Variants in CCZ1 observed in about 807,000 individuals in gnomAD.
The protein encoded by CCZ1 is CCZ1 vacuolar protein trafficking and biogenesis associated, also known as vacuolar fusion protein CCZ1 homolog.
CCZ1 carries 19 observed loss-of-function variants against 57.8 expected under a neutral mutation model. That is an observed-to-expected ratio of 0.33 (90% CI 0.23 to 0.48). The LOEUF is 0.48. CCZ1 is among the 20% of genes least tolerant of loss of function. The probability of loss-of-function intolerance (pLI) is 0.99; values close to 1 mark genes in which losing one functional copy is unlikely to be tolerated. For synonymous variants in CCZ1, 81 were observed against 167.0 expected (o/e 0.49, Z 3.97); for missense variants, 200 against 492.0 (o/e 0.41, Z 5.61).
chr7:5,902,806 T>C lies in CCZ1; in HGVS notation c.522+62T>C, dbSNP rs974764771. The C allele has an allele frequency of 7.6e-5, 118 of 1,554,518 alleles. 16 individuals carry two copies. In the East Asian group the frequency reaches 2.5e-3, roughly 33 times the overall value. On this transcript the variant is annotated intron_variant, in intron 6 of 14. Coordinates refer to ENST00000325974, the MANE Select transcript of CCZ1 (RefSeq NM_015622.6). ...CATTCAGCAGGTTTTTAGAGAAATATAGACAGACAAGTTTGTTTCTTATAT... is the reference window on the plus strand; with the variant it reads ...CATTCAGCAGGTTTTTAGAGAAATACAGACAGACAAGTTTGTTTCTTATAT...
chr7:5,907,969 G>A (rs1176765015), intron 7 of CCZ1, among the ~76,000 whole-genome samples: 1 of 143,788 alleles, frequency 7.0e-6, no homozygotes. Flanking sequence ...GGGCATTGTG[G>A]TGTGCACTTA....
At chr7:5,920,867 C>T (rs1457908287) in intron 12 of CCZ1, among the ~76,000 whole-genome samples, 1 of 119,232 alleles carries the variant, frequency 8.4e-6, no homozygotes, top group Non-Finnish European at 1.8e-5. Context: ...TTTAAATGGG[C>T]TCTCTACACA....
At position 5,905,144 on chromosome 7, in the gene CCZ1, T is replaced by C. The variant is rs762560521; in HGVS notation, c.573T>C (p.Gly191=). The C allele has an allele frequency of 1.4e-5, 23 of 1,590,378 alleles. 2 individuals are homozygous for C. Among genetic ancestry groups the C allele is most frequent in the Non-Finnish European group, 2.0e-5 (23 of 1,173,644 alleles). ...CATGTGACCTACTTGACATTTTTGG[T>C]GGAATCAGCTTCTTCCCGTTGGATA... ...LQSCDLLDIF[G]GISFFPLDKM... Residue 191 remains glycine (G), a synonymous_variant, in exon 7 of 15, where the codon GGT becomes GGC. Coordinates refer to ENST00000325974, the MANE Select transcript of CCZ1 (RefSeq NM_015622.6).
intron 6 of CCZ1, 37 bp downstream of exon 6, chr7:5,902,781 C>A: frequency 1.3e-6 from 2 of 1,580,632 alleles, no homozygotes; most frequent in Non-Finnish European, 1.7e-6. Flanking sequence ...CTTTAGTAAG[C>A]ATTCAGCAGG....
intron 7 of CCZ1, among the ~76,000 whole-genome samples, chr7:5,905,772 C>G (rs1189306015): frequency 1.7e-5 from 1 of 60,470 alleles, no homozygotes; most frequent in Non-Finnish European, 2.8e-5. Flanking sequence ...CAGAGAGAGA[C>G]TCTGTCTCCA....
At chr7:5,907,390 G>A (rs985500394) in intron 7 of CCZ1, among the ~76,000 whole-genome samples, 1 of 149,412 alleles carries the variant, frequency 6.7e-6, no homozygotes, top group Non-Finnish European at 1.5e-5. Context: ...CAGCCACAGC[G>A]ATAGGGAGAT....
intron 8 of CCZ1, among the ~76,000 whole-genome samples, chr7:5,911,002 C>A (rs1055562868): frequency 1.3e-5 from 2 of 148,812 alleles, no homozygotes; most frequent in Admixed American, 6.6e-5. Context: ...TTCCAAAGTG[C>A]TGGGATTACA....
rs143755266 is a variant in CCZ1 at position 5,902,914 on chromosome 7, T to G, written c.522+170T>G. On this transcript the variant is annotated intron_variant, in intron 6 of 14. Coordinates refer to ENST00000325974, the MANE Select transcript of CCZ1 (RefSeq NM_015622.6). ...GGAGCAGCGAGGAAACGCATGAGGC[T>G]TGTGCTCTGGAACCTTCCCTCCAGC... Among the ~76,000 whole-genome samples the G allele has an allele frequency of 2.2e-3, 322 of 146,956 alleles. 16 individuals are homozygous for G. Among genetic ancestry groups the G allele is most frequent in the African/African-American group, 7.7e-3 (299 of 38,632 alleles).
At chr7:5,906,413 C>T (rs74630137) in intron 7 of CCZ1, among the ~76,000 whole-genome samples, 3 of 145,176 alleles carry the variant, frequency 2.1e-5, no homozygotes, top group South Asian at 4.6e-4. Flanking sequence ...ACTTCCCCTT[C>T]CTGGGTTCAA....
At chr7:5,922,817 C>G (rs868420283) in intron 12 of CCZ1, among the ~76,000 whole-genome samples, 1 of 146,348 alleles carries the variant, frequency 6.8e-6, no homozygotes, top group Non-Finnish European at 1.5e-5. Flanking sequence ...ACTCATTCCC[C>G]GCACTGTGGG....
chr7:5,911,469 A>ATT lies in CCZ1; in HGVS notation c.781-387_781-386dup, dbSNP rs11462055. 2.3e-4 allele frequency among the ~76,000 whole-genome samples: 34 copies of ATT among 147,736 alleles called. 1 individual carries two copies. Among genetic ancestry groups the ATT allele is most frequent in the Middle Eastern group, 3.4e-3 (1 of 290 alleles). On this transcript the variant is annotated intron_variant, in intron 8 of 14. Coordinates refer to ENST00000325974, the MANE Select transcript of CCZ1 (RefSeq NM_015622.6). ...AGGTGTGTGCCACCACACCTGGCTAATTTTTTGTAGAGATGGGATCTCGTC... is the reference window on the plus strand; with the variant it reads ...AGGTGTGTGCCACCACACCTGGCTAATTTTTTTTGTAGAGATGGGATCTCGTC...
In CCZ1 at chr7:5,900,574, C is replaced by A; in HGVS notation, c.312+8C>A. On this transcript the variant is annotated splice_region_variant and intron_variant, in intron 3 of 14. Transcript: ENST00000325974. ...AATTTCTGGATGGTCATGGTATTTACATACACAGTGTATCTTTCTGAAATT... is the reference window on the plus strand; with the variant it reads ...AATTTCTGGATGGTCATGGTATTTAAATACACAGTGTATCTTTCTGAAATT... 1 of 1,600,270 alleles carries A rather than the reference C, an allele frequency of 6.2e-7. No individual in the cohort carries two copies. The highest frequency in any genetic ancestry group is 8.5e-7 in the Non-Finnish European group (1 of 1,177,436).
intron 7 of CCZ1, among the ~76,000 whole-genome samples, chr7:5,905,781 C>CA (rs796636886): frequency 0.37 from 16,171 of 44,230 alleles, 5,022 homozygotes; most frequent in Non-Finnish European, 0.43. Context: ...ACTCTGTCTC[C>CA]AAAAAAAAAA....
intron 10 of CCZ1, 57 bp downstream of exon 10, chr7:5,913,011 A>G: frequency 1.2e-6 from 2 of 1,604,802 alleles, no homozygotes; most frequent in Non-Finnish European, 1.7e-6. Context: ...TCTTTCTTGC[A>G]TGTGTACACG....
intron 12 of CCZ1, 88 bp downstream of exon 12, chr7:5,920,054 A>AT (rs1416782295): frequency 1.1e-5 from 16 of 1,496,574 alleles, no homozygotes; most frequent in Non-Finnish European, 1.5e-5. Context: ...GGTGGTATTA[A>AT]CAGTCCTGTG....
chr7:5,921,684 T>TGACA (rs1279983652), intron 12 of CCZ1, among the ~76,000 whole-genome samples: 3 of 79,618 alleles, frequency 3.8e-5, no homozygotes, highest in African/African-American at 1.4e-4. Flanking sequence ...GCTTATATCT[T>TGACA]GACAGTGCTG....
At chr7:5,909,177 A>G (rs1251132621) in intron 7 of CCZ1, among the ~76,000 whole-genome samples, 1 of 147,600 alleles carries the variant, frequency 6.8e-6, no homozygotes, top group African/African-American at 2.5e-5. Context: ...GCAGGTCAGG[A>G]TAAAGTTCCA....
At chr7:5,907,137 G>C (rs1781849046) in intron 7 of CCZ1, among the ~76,000 whole-genome samples, 1 of 149,794 alleles carries the variant, frequency 6.7e-6, no homozygotes, top group Non-Finnish European at 1.5e-5. Flanking sequence ...GGGATTACAG[G>C]TGTGAGCCAC....
intron 7 of CCZ1, 110 bp from the exon 8 acceptor site, chr7:5,909,925 T>G (rs2128612368): frequency 1.3e-6 from 1 of 745,580 alleles, no homozygotes; most frequent in African/African-American, 1.8e-5. Context: ...TATTCTGTGT[T>G]ACTAAAAATG....
Sources: allele counts gnomAD v4.1 joint callset (sites outside exome capture counted in the v4.1 genomes callset), GRCh38; gene constraint gnomAD v4.1.1; transcripts MANE v1.5; gene names NCBI Gene and HGNC (gene_info 2026-07-23, HGNC 2026-07-21).